Variants in GSG1 observed in about 807,000 individuals in gnomAD.
GSG1 encodes germ cell-specific gene 1 protein.
GSG1 carries 28 observed loss-of-function variants against 30.8 expected under a neutral mutation model. The observed-to-expected ratio is 0.91, with a 90% CI of 0.67 to 1.25. The LOEUF (loss-of-function observed/expected upper bound fraction) is 1.25, where lower values mean the gene tolerates loss of function less well. GSG1 is among the 50% of genes most tolerant of loss of function. GSG1 has a pLI of 0.00. For synonymous variants in GSG1, 162 were observed against 178.0 expected (o/e 0.91, Z 0.71); for missense variants, 435 against 444.7 (o/e 0.98, Z 0.20).
intron 2 of GSG1, among the ~76,000 whole-genome samples, chr12:13,089,906 G>A (rs201632899): frequency 3.3e-5 from 5 of 152,216 alleles, no homozygotes; most frequent in East Asian, 1.9e-4. Flanking sequence ...AAAATTAGCC[G>A]GGTATGGTGG....
intron 1 of GSG1, among the ~76,000 whole-genome samples, chr12:13,099,890 C>CTGT (rs1185500075): frequency 6.6e-6 from 1 of 152,086 alleles, no homozygotes; most frequent in Admixed American, 6.6e-5. Flanking sequence ...TAGCTCCTTT[C>CTGT]TGTTACTCAG....
chr12:13,084,936 C>T lies in GSG1; in HGVS notation c.1054G>A (p.Ala352Thr), dbSNP rs1440960055. ...TCTTCCTCTACAGATGACCTAACTGCTTCTTTCAGCTCCTGGCTGGCCCCT... is the reference window on the plus strand; with the variant it reads ...TCTTCCTCTACAGATGACCTAACTGTTTCTTTCAGCTCCTGGCTGGCCCCT... Reference protein sequence around the residue: ...QRGASQELKEAVRSSVEEEQC With the variant: ...QRGASQELKETVRSSVEEEQC Residue 352 changes from alanine (A) to threonine (T), a missense_variant, in exon 7 of 7, where the codon GCA becomes ACA. By Grantham distance (58) the Ala-to-Thr change is moderately conservative. Coordinates refer to ENST00000651961, the MANE Select transcript of GSG1 (RefSeq NM_001080555.4). 7 of 1,551,454 alleles carry T rather than the reference C, an allele frequency of 4.5e-6. No individual in the cohort carries two copies. The highest frequency in any genetic ancestry group is 2.0e-5 in the Admixed American group (1 of 50,980).
chr12:13,087,601 A>G (rs1236218203), intron 5 of GSG1, among the ~76,000 whole-genome samples: 1 of 152,224 alleles, frequency 6.6e-6, no homozygotes, highest in Non-Finnish European at 1.5e-5. Context: ...CTTTCACTTT[A>G]TCCAATGGAG....
At position 13,088,028 on chromosome 12, in the gene GSG1, G is replaced by T; in HGVS notation, c.513C>A (p.Ile171=). Residue 171 remains isoleucine (I), a synonymous_variant, in exon 5 of 7, where the codon ATC becomes ATA. Transcript: ENST00000651961. ...EILWLSLGTQ[I]TYIGLQFISF... ...TGATGAATTGAAGTCCGATGTAGGT[G>T]ATCTGCGTTCCCAGGGATAACCATA... The T allele has an allele frequency of 6.2e-7, 1 of 1,614,232 alleles. No homozygotes were observed. Among genetic ancestry groups the T allele is most frequent in the Non-Finnish European group, 8.5e-7 (1 of 1,180,036 alleles).
rs772207656 is a variant in GSG1 at position 13,103,506 on chromosome 12, C to T, written c.7G>A (p.Asp3Asn). The T allele has an allele frequency of 5.0e-6, 8 of 1,613,830 alleles. No individual in the cohort carries two copies. The highest frequency in any genetic ancestry group is 1.3e-5 in the African/African-American group (1 of 74,916). Residue 3 changes from aspartate (D) to asparagine (N), a missense_variant, in exon 1 of 7, where the codon GAT (aspartate) becomes AAT (asparagine). Transcript: ENST00000651961. ...ACATTTTGAGTCAGTTGAGAGGGAT[C>T]GCTCATTCACTCTTGCAGCGGGAAG... is the stretch of plus-strand genomic sequence containing the variant. MS[D>N]PSQLTQNVCL... is the part of the protein sequence containing the mutation.
chr12:13,098,642 C>T (rs765319420), intron 1 of GSG1, among the ~76,000 whole-genome samples: 7 of 151,914 alleles, frequency 4.6e-5, no homozygotes, highest in Non-Finnish European at 1.0e-4. Flanking sequence ...AGTCCCTTTC[C>T]ACCCCAGAAC....
rs1591608617 is a variant in GSG1, at chr12:13,084,876, C to G, written c.*25G>C. ...GCAGACGTGTAAGGTAGGGCTCAAGCCTACTCCCCAAACCCGCTTAACTCC... is the reference window on the plus strand; with the variant it reads ...GCAGACGTGTAAGGTAGGGCTCAAGGCTACTCCCCAAACCCGCTTAACTCC... On this transcript the variant is annotated 3_prime_UTR_variant, in exon 7 of 7. Coordinates refer to ENST00000651961, the MANE Select transcript of GSG1 (RefSeq NM_001080555.4). The G allele has an allele frequency of 1.4e-6, 2 of 1,461,620 alleles. No homozygotes were observed. Among genetic ancestry groups the G allele is most frequent in the East Asian group, 5.0e-5 (2 of 40,266 alleles). 90.5% of individuals were successfully genotyped at this position (1,461,620 alleles called of 1,614,324 possible).
At chr12:13,088,502 A>C (rs912312402) in intron 4 of GSG1, among the ~76,000 whole-genome samples, 1 of 152,144 alleles carries the variant, frequency 6.6e-6, no homozygotes, top group Non-Finnish European at 1.5e-5. Flanking sequence ...GCCTTCCTAC[A>C]TGGTTACTTG....
At chr12:13,100,425 C>T (rs1265501051) in intron 1 of GSG1, among the ~76,000 whole-genome samples, 1 of 152,182 alleles carries the variant, frequency 6.6e-6, no homozygotes, top group East Asian at 1.9e-4. Flanking sequence ...TGGAAACATT[C>T]CTGCTTTTAA....
At position 13,093,429 on chromosome 12, in the gene GSG1, G is replaced by A. The variant is rs899464966; in HGVS notation, c.49-2611C>T. ...TGAATATTAAACTGGAAATCTCCGG[G>A]GGAAGCAGATGGATGCTTTGGGGCC... On this transcript the variant is annotated intron_variant, in intron 1 of 6. Transcript: ENST00000651961. The surrounding 1 kb of genome is among the most constrained non-coding windows in gnomAD (Gnocchi z 4.6). Among the ~76,000 whole-genome samples, 1 of 152,184 alleles carries A rather than the reference G, an allele frequency of 6.6e-6. No homozygotes were observed. Among genetic ancestry groups the A allele is most frequent in the African/African-American group, 2.4e-5 (1 of 41,438 alleles).
intron 1 of GSG1, chr12:13,095,716 TC>T: frequency 6.3e-7 from 1 of 1,578,322 alleles, no homozygotes; most frequent in Non-Finnish European, 8.6e-7. Context: ...CCCTCCTCCC[TC>T]TCCTCCTACC....
Position 13,089,219 on chromosome 12 carries a change from G to A in GSG1, c.422C>T (p.Ala141Val), listed in dbSNP as rs575649011. The A allele has an allele frequency of 3.1e-5, 49 of 1,557,478 alleles. No homozygotes were observed. Among genetic ancestry groups the A allele is most frequent in the South Asian group, 3.0e-4 (25 of 84,278 alleles). ...QFRALRSSGT[A>V]AAKGERCRSF... Reference sequence around the variant, plus strand: ...GTGTTAACTAATACCTTTTGCTGCCGCTGTACCACTGGACCGAAGGGCTCT... The same window carrying A: ...GTGTTAACTAATACCTTTTGCTGCCACTGTACCACTGGACCGAAGGGCTCT... The change falls in exon 3 of 7, where the codon GCG (alanine) becomes GTG (valine). Residue 141 changes from alanine (A) to valine (V), a missense_variant. Physicochemically the swap from Ala to Val is moderately conservative, Grantham distance 64. Transcript: ENST00000651961.
At chr12:13,088,148 A>AG in intron 4 of GSG1, 89 bp from the exon 5 acceptor site, 1 of 1,382,496 alleles carries the variant, frequency 7.2e-7, no homozygotes, top group Non-Finnish European at 1.0e-6. Flanking sequence ...TTAGGAGTTA[A>AG]GACCCTAGCA....
At chr12:13,086,090 T>C (rs1865492632) in intron 6 of GSG1, among the ~76,000 whole-genome samples, 1 of 152,200 alleles carries the variant, frequency 6.6e-6, no homozygotes, top group Admixed American at 6.5e-5. Context: ...GGCCAAGTGA[T>C]GGTTAAAGCC....
intron 5 of GSG1, 132 bp from the exon 6 acceptor site, chr12:13,087,395 C>G: frequency 1.6e-6 from 1 of 630,816 alleles, no homozygotes; most frequent in Non-Finnish European, 2.8e-6. Context: ...CCTATGCCAC[C>G]ACATTTCCCG....
chr12:13,086,246 G>C (rs1203311160), intron 6 of GSG1, among the ~76,000 whole-genome samples: 1 of 152,240 alleles, frequency 6.6e-6, no homozygotes, highest in Non-Finnish European at 1.5e-5. Context: ...CCTGAAGACA[G>C]ACAAAAGGTG....
At chr12:13,100,674 C>T (rs1863129737) in intron 1 of GSG1, among the ~76,000 whole-genome samples, 1 of 152,194 alleles carries the variant, frequency 6.6e-6, no homozygotes, top group Admixed American at 6.5e-5. Context: ...TACTCTTTCA[C>T]TGATGAGGAC....
chr12:13,103,063 C>G (rs777149381), intron 1 of GSG1, among the ~76,000 whole-genome samples: 12 of 152,208 alleles, frequency 7.9e-5, no homozygotes, highest in African/African-American at 1.2e-4. Flanking sequence ...TGGGGTGACA[C>G]ACAGCTCTAT....
At chr12:13,099,679 A>G (rs1199190747) in intron 1 of GSG1, among the ~76,000 whole-genome samples, 2 of 151,524 alleles carry the variant, frequency 1.3e-5, no homozygotes, top group Non-Finnish European at 2.9e-5. Flanking sequence ...GCTGAGCCGG[A>G]GAGCAGGTTA....
Sources: allele counts gnomAD v4.1 joint callset (sites outside exome capture counted in the v4.1 genomes callset), GRCh38; gene constraint gnomAD v4.1.1; non-coding constraint Gnocchi (gnomAD v3.1); transcripts MANE v1.5; gene names NCBI Gene and HGNC (gene_info 2026-07-23, HGNC 2026-07-21).